Variants in TUSC3 observed in about 807,000 individuals in gnomAD.
TUSC3 encodes tumor suppressor candidate 3.
In TUSC3, 45 loss-of-function variants were observed where a neutral mutation model predicts 44.8. The observed-to-expected ratio is 1.00, with a 90% CI of 0.79 to 1.29. The LOEUF is 1.29. Ranked by LOEUF, TUSC3 falls within the 50% of genes most tolerant of loss-of-function variation. TUSC3 has a pLI of 0.00. For missense variants in TUSC3, 519 were observed against 437.9 expected (o/e 1.19, Z -1.65); for synonymous variants, 212 against 152.9 (o/e 1.39, Z -2.85).
chr8:15,590,900 C>G (rs1479759438), intron 1 of TUSC3, among the ~76,000 whole-genome samples: 1 of 152,118 alleles, frequency 6.6e-6, no homozygotes, highest in Non-Finnish European at 1.5e-5. Context: ...TGTCAAACTC[C>G]TGGACTCAAG....
intron 3 of TUSC3, among the ~76,000 whole-genome samples, chr8:15,653,869 ATAATAT>A (rs1233187383): frequency 4.6e-5 from 7 of 152,164 alleles, no homozygotes. Flanking sequence ...GTGTCTGAAG[ATAATAT>A]TAATAACAAG....
chr8:15,659,781 T>G, intron 4 of TUSC3, 134 bp downstream of exon 4: 1 of 1,140,354 alleles, frequency 8.8e-7, no homozygotes, highest in Non-Finnish European at 1.3e-6. Context: ...ACTGTTCGAT[T>G]ACTGCAAATG....
the TUSC3 span, chr8:15,806,407 C>T: frequency 2.8e-6 from 2 of 703,922 alleles, no homozygotes; most frequent in East Asian, 2.7e-5. Context: ...TCTGGTGATA[C>T]TTTGGGTGCA....
chr8:15,585,915 G>T (rs949563616), intron 1 of TUSC3, among the ~76,000 whole-genome samples: 13 of 152,142 alleles, frequency 8.5e-5, no homozygotes, highest in African/African-American at 3.1e-4. Context: ...GAGAGTTAAA[G>T]CCATGAAAGT....
chr8:15,710,568 A>G (rs1809798858), intron 6 of TUSC3, among the ~76,000 whole-genome samples: 1 of 151,716 alleles, frequency 6.6e-6, no homozygotes. Flanking sequence ...ACACTTGTTT[A>G]CCTCTCCACT....
At chr8:15,455,327 A>G (rs1350034192) in intron 1 of TUSC3, among the ~76,000 whole-genome samples, 1 of 152,114 alleles carries the variant, frequency 6.6e-6, no homozygotes, top group Non-Finnish European at 1.5e-5. Context: ...GATTGGTTTT[A>G]TAGATTGAGG....
intron 3 of TUSC3, among the ~76,000 whole-genome samples, chr8:15,658,201 G>T (rs971574579): frequency 4.6e-5 from 7 of 152,124 alleles, no homozygotes; most frequent in Admixed American, 1.3e-4. Context: ...AGATAACATG[G>T]AGGTAAATAA....
intron 1 of TUSC3, among the ~76,000 whole-genome samples, chr8:15,444,895 G>A (rs1447823717): frequency 6.6e-6 from 1 of 152,056 alleles, no homozygotes; most frequent in African/African-American, 2.4e-5. Context: ...TCAAAGTCCC[G>A]GCAAACTCCT....
intron 2 of TUSC3, among the ~76,000 whole-genome samples, chr8:15,500,023 C>T (rs1459375038): frequency 6.6e-6 from 1 of 152,106 alleles, no homozygotes; most frequent in Non-Finnish European, 1.5e-5. Context: ...ATTTTCTAAC[C>T]CATCTTAGCC....
chr8:15,499,809 G>A (rs1800934195), intron 2 of TUSC3, among the ~76,000 whole-genome samples: 2 of 152,042 alleles, frequency 1.3e-5, no homozygotes, highest in South Asian at 4.1e-4. Context: ...CCTGCAGCTT[G>A]TCAACTGTAG....
chr8:15,841,668 CA>C, the TUSC3 span, among the ~76,000 whole-genome samples: 3 of 152,102 alleles, frequency 2.0e-5, no homozygotes, highest in African/African-American at 7.2e-5. Flanking sequence ...CACATGCCCC[CA>C]CACCCAGCTA....
intron 1 of TUSC3, among the ~76,000 whole-genome samples, chr8:15,441,561 A>T (rs1202779593): frequency 6.6e-6 from 1 of 152,228 alleles, no homozygotes; most frequent in Non-Finnish European, 1.5e-5. Flanking sequence ...GACATGGAGA[A>T]TTGTTAGAAT....
At chr8:15,450,750 C>G (rs190174214) in intron 1 of TUSC3, among the ~76,000 whole-genome samples, 3 of 152,158 alleles carry the variant, frequency 2.0e-5, no homozygotes, top group Admixed American at 2.0e-4. Flanking sequence ...AGAAGTTCTA[C>G]TAATCAGAGA....
At chr8:15,555,276 A>AT (rs35757466) in intron 1 of TUSC3, among the ~76,000 whole-genome samples, 2,048 of 44,768 alleles carry the variant, frequency 0.046, 341 homozygotes, top group East Asian at 0.1. Flanking sequence ...TGCCAGGCTA[A>AT]TTTTTTTTTT....
chr8:15,707,829 A>G (rs185650648), intron 6 of TUSC3, among the ~76,000 whole-genome samples: 16 of 152,074 alleles, frequency 1.1e-4, no homozygotes, highest in African/African-American at 3.9e-4. Flanking sequence ...AGGAGGCTGA[A>G]GTACAAAATC....
At chr8:15,668,239 G>C (rs1162038909) in intron 5 of TUSC3, among the ~76,000 whole-genome samples, 1 of 151,750 alleles carries the variant, frequency 6.6e-6, no homozygotes, top group African/African-American at 2.4e-5. Context: ...GACATTTTAA[G>C]ACATGGTTGT....
chr8:15,455,816 C>G (rs1800249815), intron 1 of TUSC3, among the ~76,000 whole-genome samples: 1 of 152,150 alleles, frequency 6.6e-6, no homozygotes, highest in Admixed American at 6.5e-5. Flanking sequence ...AAGCCCTTCC[C>G]CAAAACTCAG....
intron 1 of TUSC3, among the ~76,000 whole-genome samples, chr8:15,583,447 G>C (rs1170832359): frequency 6.6e-6 from 1 of 152,168 alleles, no homozygotes; most frequent in Non-Finnish European, 1.5e-5. Context: ...AATTTGCCAA[G>C]TTTAGCTTGG....
intron 6 of TUSC3, among the ~76,000 whole-genome samples, chr8:15,704,875 A>C (rs1323405640): frequency 1.3e-5 from 2 of 152,022 alleles, no homozygotes; most frequent in Admixed American, 6.6e-5. Flanking sequence ...TGATTTGCCC[A>C]AAAGCACATA....
Sources: allele counts gnomAD v4.1 joint callset (sites outside exome capture counted in the v4.1 genomes callset), GRCh38; gene constraint gnomAD v4.1.1; transcripts MANE v1.5; gene names NCBI Gene and HGNC (gene_info 2026-07-23, HGNC 2026-07-21).